The following KL variants were observed in gnomAD, a reference collection of about 807,000 sequenced individuals.
KL encodes the protein alpha-klotho.
A neutral mutation model predicts 84.2 loss-of-function variants in KL; 62 were observed. That is an observed-to-expected ratio of 0.74 (90% CI 0.60 to 0.91). The LOEUF (loss-of-function observed/expected upper bound fraction) is 0.91. Ranked by LOEUF, KL falls within the 40% of genes least tolerant of loss-of-function variation. The pLI is 0.00. For missense variants in KL, 1,261 were observed against 1,305.7 expected (o/e 0.97, Z 0.53); for synonymous variants, 528 against 528.0 (o/e 1.00, Z 0.00).
At chr13:33,058,716 C>G (rs1872063019) in intron 3 of KL, among the ~76,000 whole-genome samples, 2 of 151,726 alleles carry the variant, frequency 1.3e-5, no homozygotes, top group Admixed American at 1.3e-4. Flanking sequence ...TTCAGATGGA[C>G]TGAATAAAAG....
chr13:33,045,393 G>A (rs932861086), intron 1 of KL, among the ~76,000 whole-genome samples: 3 of 152,194 alleles, frequency 2.0e-5, no homozygotes, highest in Admixed American at 1.3e-4. Context: ...AATAGTGAAA[G>A]CAGGCATCTT....
chr13:33,061,873 C>T lies in KL; in HGVS notation c.2701+93C>T, dbSNP rs1555335332. 9 of 1,298,628 alleles carry T rather than the reference C, an allele frequency of 6.9e-6. No individual in the cohort carries two copies. In the South Asian group the frequency reaches 8.3e-5, roughly 12 times the overall value. 80.4% of individuals were successfully genotyped at this position (1,298,628 alleles called of 1,614,324 possible). A position where few individuals can be genotyped will look rare whatever the true frequency, so the allele number is the denominator to read the frequency against. ...TCTCCAACATCAACACACACTGCCA[C>T]CCTTGGAATGGAGGGCTATCCATTT... On this transcript the variant is annotated intron_variant, in intron 4 of 4. Transcript: ENST00000380099.
chr13:33,020,817 G>T lies in KL; in HGVS notation c.819+3558G>T, dbSNP rs1437107564. Among the ~76,000 whole-genome samples the T allele has an allele frequency of 2.6e-5, 4 of 152,118 alleles. No homozygotes were observed. In the East Asian group the frequency reaches 7.7e-4, roughly 29 times the overall value. On this transcript the variant is annotated intron_variant, in intron 1 of 4. Coordinates refer to ENST00000380099, the MANE Select transcript of KL (RefSeq NM_004795.4). ...CTGCTGGGGTTCTTATTTCTGCCTT[G>T]CCCCCTGCAGTGTGCCATGATGGAT... is the stretch of plus-strand genomic sequence containing the variant.
intron 1 of KL, among the ~76,000 whole-genome samples, chr13:33,026,545 G>A (rs1488900118): frequency 1.3e-5 from 2 of 152,120 alleles, no homozygotes; most frequent in African/African-American, 2.4e-5. Context: ...TGGCTAAGTC[G>A]GGGAACTGTA....
intron 2 of KL, 29 bp downstream of exon 2, chr13:33,054,306 C>G: frequency 1.9e-6 from 3 of 1,603,144 alleles, no homozygotes; most frequent in Non-Finnish European, 2.6e-6. Context: ...TTCTCATTTC[C>G]TGCCAAAATC....
At chr13:33,019,367 A>G (rs1870487508) in intron 1 of KL, among the ~76,000 whole-genome samples, 1 of 152,128 alleles carries the variant, frequency 6.6e-6, no homozygotes, top group African/African-American at 2.4e-5. Context: ...AACATTCTGC[A>G]GATTTTGATA....
chr13:33,023,730 C>T (rs902379375), intron 1 of KL, among the ~76,000 whole-genome samples: 10 of 152,086 alleles, frequency 6.6e-5, no homozygotes, highest in African/African-American at 1.2e-4. Flanking sequence ...ACAGATGTCA[C>T]GTCATCCATG....
chr13:33,025,615 G>A (rs912047277), intron 1 of KL, among the ~76,000 whole-genome samples: 2 of 152,136 alleles, frequency 1.3e-5, no homozygotes, highest in African/African-American at 4.8e-5. Context: ...GAAGAAGAAA[G>A]CCTGGGAATT....
At chr13:33,042,544 C>A (rs1871374228) in intron 1 of KL, among the ~76,000 whole-genome samples, 1 of 152,110 alleles carries the variant, frequency 6.6e-6, no homozygotes, top group South Asian at 2.1e-4. Flanking sequence ...CATATTACTG[C>A]CTAGAAGAGT....
chr13:33,054,127 C>A lies in KL; in HGVS notation c.1180C>A (p.Leu394Met). Residue 394 changes from leucine to methionine, a missense_variant, in exon 2 of 5, where the codon CTG becomes ATG. By Grantham distance (15) the Leu-to-Met change is conservative (BLOSUM62 2). Transcript: ENST00000380099. ...MKFRQLESPN[L>M]RQLLSWIDLE... is the part of the protein sequence containing the mutation. ...GTTCCGCCAATTGGAATCTCCCAAC[C>A]TGAGGCAACTGCTTTCCTGGATTGA... The A allele has an allele frequency of 6.2e-7, 1 of 1,613,982 alleles. No individual in the cohort carries two copies. Among genetic ancestry groups the A allele is most frequent in the Non-Finnish European group, 8.5e-7 (1 of 1,180,024 alleles).
Position 33,016,919 on chromosome 13 carries a change from G to A in KL, c.479G>A (p.Gly160Asp), listed in dbSNP as rs1246032459. The A allele has an allele frequency of 6.2e-7, 1 of 1,610,822 alleles. No homozygotes were observed. Among genetic ancestry groups the A allele is most frequent in the Non-Finnish European group, 8.5e-7 (1 of 1,179,384 alleles). ...TCGTGGGCGCGAGTGCTCCCCAATG[G>A]CAGCGCGGGCGTCCCCAACCGCGAG... ...SISWARVLPN[G>D]SAGVPNREGL... The change falls in exon 1 of 5, where the codon GGC becomes GAC. Residue 160 changes from glycine (G) to aspartate (D), a missense_variant. By Grantham distance (94) the Gly-to-Asp change is moderately conservative (BLOSUM62 -1). Transcript: ENST00000380099.
chr13:33,062,633 A>G (rs1349667680), intron 4 of KL, among the ~76,000 whole-genome samples: 1 of 122,286 alleles, frequency 8.2e-6, no homozygotes, highest in African/African-American at 3.1e-5. Flanking sequence ...AGATTGCACC[A>G]TTGCACTCCA....
chr13:33,016,673 G>C lies in KL; in HGVS notation c.233G>C (p.Gly78Ala), dbSNP rs1218533459. 6.3e-7 allele frequency: 1 copy of C among 1,595,294 alleles called. No individual in the cohort carries two copies. Among genetic ancestry groups the C allele is most frequent in the Non-Finnish European group, 8.5e-7 (1 of 1,171,372 alleles). The change falls in exon 1 of 5, where the codon GGC becomes GCC. Residue 78 changes from glycine to alanine, a missense_variant. Gly to Ala is a moderately conservative substitution (Grantham distance 60). Coordinates refer to ENST00000380099, the MANE Select transcript of KL (RefSeq NM_004795.4). ...GGCAGCGCCGCCTACCAGACCGAGG[G>C]CGGCTGGCAGCAGCACGGCAAGGGT... ...AVGSAAYQTE[G>A]GWQQHGKGAS...
chr13:33,026,739 G>C (rs576514081), intron 1 of KL, among the ~76,000 whole-genome samples: 1 of 152,158 alleles, frequency 6.6e-6, no homozygotes, highest in East Asian at 1.9e-4. Flanking sequence ...CCTGGAGAGC[G>C]GTGCCCCCAC....
At chr13:33,042,126 G>A (rs2138215542) in intron 1 of KL, among the ~76,000 whole-genome samples, 1 of 152,210 alleles carries the variant, frequency 6.6e-6, no homozygotes, top group Middle Eastern at 3.4e-3. Context: ...ATGTTTCGGA[G>A]AAAATCAGTA....
At chr13:33,029,423 T>G (rs991779250) in intron 1 of KL, among the ~76,000 whole-genome samples, 6 of 152,238 alleles carry the variant, frequency 3.9e-5, no homozygotes, top group Non-Finnish European at 8.8e-5. Context: ...GTTGAACCAA[T>G]GAATACTCTT....
intron 1 of KL, among the ~76,000 whole-genome samples, chr13:33,042,066 A>G (rs1284228964): frequency 1.3e-5 from 2 of 152,180 alleles, no homozygotes; most frequent in African/African-American, 2.4e-5. Flanking sequence ...AGCTAAATAT[A>G]TATATTTTTT....
Position 33,061,651 on chromosome 13 carries a change from T to A in KL, c.2572T>A (p.Trp858Arg), listed in dbSNP as rs757603569. The A allele has an allele frequency of 6.2e-6, 10 of 1,614,028 alleles. No homozygotes were observed. In the African/African-American group the frequency reaches 6.7e-5, roughly 11 times the overall value. ...VPWGLRKVLN[W>R]LKFKYGDLPM... ...CTGGGGGTTGCGCAAAGTGCTGAAC[T>A]GGCTGAAGTTCAAGTACGGAGACCT... Residue 858 changes from tryptophan to arginine, a missense_variant, in exon 4 of 5, where the codon TGG (tryptophan) becomes AGG (arginine). Coordinates refer to ENST00000380099, the MANE Select transcript of KL (RefSeq NM_004795.4).
rs1024369413 is a variant in KL, at chr13:33,066,091, G to A, written c.*1905G>A. On this transcript the variant is annotated 3_prime_UTR_variant, in exon 5 of 5. Transcript: ENST00000380099. ...AGAAGTAATTTTGCTCCTTGATAAA[G>A]TATTATATTAATAATAAATCTGCCT... 21 of 171,732 alleles carry A rather than the reference G, an allele frequency of 1.2e-4. No individual in the cohort carries two copies. Among genetic ancestry groups the A allele is most frequent in the African/African-American group, 4.5e-4 (19 of 42,062 alleles). The allele number at this position is 171,732 out of a possible 1,614,324, so 10.6% of individuals were successfully genotyped here.
Sources: allele counts gnomAD v4.1 joint callset (sites outside exome capture counted in the v4.1 genomes callset), GRCh38; gene constraint gnomAD v4.1.1; transcripts MANE v1.5; gene names NCBI Gene and HGNC (gene_info 2026-07-23, HGNC 2026-07-21).